RRM2: variants seen among roughly 807,000 people sequenced by gnomAD.
RRM2 encodes the protein ribonucleoside-diphosphate reductase subunit M2.
In RRM2, 6 loss-of-function variants were observed where a neutral mutation model predicts 45.9. The observed-to-expected ratio is 0.13, with a 90% confidence interval of 0.07 to 0.26. The LOEUF is 0.26. Among genes scored for constraint, RRM2 ranks in the 10% least tolerant of loss-of-function variants. RRM2 has a pLI of 1.00. For missense variants in RRM2, 343 were observed against 489.5 expected (o/e 0.70, Z 2.82); for synonymous variants, 177 against 173.0 (o/e 1.02, Z -0.18).
intron 3 of RRM2, among the ~76,000 whole-genome samples, chr2:10,170,268 G>A (rs925228842): frequency 6.6e-6 from 1 of 152,172 alleles, no homozygotes; most frequent in Non-Finnish European, 1.5e-5. Flanking sequence ...GGCTGAGCAG[G>A]TGGCTGGAGA....
At chr2:10,136,379 C>A (rs1662990324), downstream of RRM2, among the ~76,000 whole-genome samples, 1 of 152,176 alleles carries the variant, frequency 6.6e-6, no homozygotes, top group Non-Finnish European at 1.5e-5. Context: ...GTGCAGGGTG[C>A]TGTCCTTCCA....
intron 3 of RRM2, among the ~76,000 whole-genome samples, chr2:10,200,635 G>T (rs1213118818): frequency 1.0e-5 from 1 of 97,062 alleles, no homozygotes; most frequent in African/African-American, 3.7e-5. Flanking sequence ...AAAATATGAG[G>T]CCCACAGGCA....
intron 3 of RRM2, among the ~76,000 whole-genome samples, chr2:10,162,578 C>T (rs1274474555): frequency 6.6e-6 from 1 of 152,198 alleles, no homozygotes; most frequent in African/African-American, 2.4e-5. Flanking sequence ...CATCTTCCTT[C>T]ATGAGGTCAA....
rs542939099 is a variant in RRM2, at chr2:10,148,297, G to C, written n.482+5922G>C. On this transcript the variant is annotated intron_variant and non_coding_transcript_variant, in intron 3 of 3. Transcript: ENST00000381786. ...TAATCCTCACTCACATTGCCCTACAGGTAGATTCATTGCTCACTGTCAGTT... is the reference window on the plus strand; with the variant it reads ...TAATCCTCACTCACATTGCCCTACACGTAGATTCATTGCTCACTGTCAGTT... Among the ~76,000 whole-genome samples the C allele has an allele frequency of 3.4e-3, 522 of 151,666 alleles. 1 individual carries two copies. Among genetic ancestry groups the C allele is most frequent in the Non-Finnish European group, 5.1e-3 (350 of 67,984 alleles).
upstream of RRM2, among the ~76,000 whole-genome samples, chr2:10,137,147 G>A (rs756287031): frequency 3.9e-5 from 6 of 152,234 alleles, no homozygotes; most frequent in East Asian, 1.2e-3. Flanking sequence ...CCACCGTGGG[G>A]CAGAGATGAT....
chr2:10,196,440 T>G (rs1035728775), intron 3 of RRM2, among the ~76,000 whole-genome samples: 2 of 152,152 alleles, frequency 1.3e-5, no homozygotes, highest in African/African-American at 2.4e-5. Context: ...TGTGGCTGTT[T>G]CTGTGGTGAC....
At chr2:10,143,109 G>A (rs1242521228) in intron 3 of RRM2, among the ~76,000 whole-genome samples, 5 of 152,142 alleles carry the variant, frequency 3.3e-5, no homozygotes, top group Non-Finnish European at 5.9e-5. Flanking sequence ...TCCTGACCTC[G>A]TGATCTGCCT....
At chr2:10,175,146 C>T (rs1312688550) in intron 3 of RRM2, among the ~76,000 whole-genome samples, 1 of 152,230 alleles carries the variant, frequency 6.6e-6, no homozygotes, top group Non-Finnish European at 1.5e-5. Flanking sequence ...AAGTTTTAGA[C>T]ATGTGCATAC....
chr2:10,168,411 G>T (rs946977893), intron 3 of RRM2, among the ~76,000 whole-genome samples: 6 of 152,116 alleles, frequency 3.9e-5, no homozygotes, highest in African/African-American at 1.2e-4. Flanking sequence ...AGGAATTTAT[G>T]GCAGTTTCGC....
At chr2:10,123,108 G>C (rs1372759206) in intron 2 of RRM2, 51 bp downstream of exon 2, 1 of 1,506,480 alleles carries the variant, frequency 6.6e-7, no homozygotes, top group African/African-American at 1.4e-5. Flanking sequence ...TGGGCGTCTT[G>C]GCGCCAAAGC....
chr2:10,168,345 G>T (rs1663724958), intron 3 of RRM2, among the ~76,000 whole-genome samples: 1 of 152,004 alleles, frequency 6.6e-6, no homozygotes, highest in Admixed American at 6.6e-5. Flanking sequence ...TTTAATAGCG[G>T]GTTCGAGAGA....
At chr2:10,184,529 C>T (rs1194041368) in intron 3 of RRM2, among the ~76,000 whole-genome samples, 1 of 152,248 alleles carries the variant, frequency 6.6e-6, no homozygotes, top group Non-Finnish European at 1.5e-5. Context: ...CAAACCGTCC[C>T]TTCCAGAAGA....
chr2:10,138,752 A>C (rs917577034), upstream of RRM2, among the ~76,000 whole-genome samples: 3 of 152,232 alleles, frequency 2.0e-5, no homozygotes, highest in African/African-American at 7.2e-5. Flanking sequence ...GTGAGAATTT[A>C]GATGAGTGAA....
chr2:10,143,329 C>A (rs559146268), intron 3 of RRM2, among the ~76,000 whole-genome samples: 2 of 152,330 alleles, frequency 1.3e-5, no homozygotes, highest in South Asian at 4.1e-4. Flanking sequence ...CCCAGTGAGG[C>A]CAGATTAGGG....
chr2:10,126,848 A>G lies in RRM2; in HGVS notation c.570-27A>G, dbSNP rs781500095. 3.8e-6 allele frequency: 6 copies of G among 1,576,838 alleles called. No homozygotes were observed. In the South Asian group the frequency reaches 6.8e-5, roughly 18 times the overall value. The stretch of plus-strand genomic sequence containing the variant: ...GGAGGTCTTTTACTGTAATGCTTCA[A>G]TTGCTGATACCGTATGTGCCTACTA... On this transcript the variant is annotated intron_variant, in intron 5 of 9. Coordinates refer to ENST00000304567, the MANE Select transcript of RRM2 (RefSeq NM_001034.4).
At chr2:10,196,673 G>A (rs764129271) in intron 3 of RRM2, among the ~76,000 whole-genome samples, 33 of 152,248 alleles carry the variant, frequency 2.2e-4, no homozygotes, top group Admixed American at 2.0e-4. Flanking sequence ...GCAGCCATCC[G>A]GAGGAGGGAG....
chr2:10,141,926 A>G lies in RRM2; in HGVS notation n.333A>G, dbSNP rs747136084. ...GGGAGACAGCACGCCAGTGAGGGAG[A>G]TGGAGACCAATCACCCACCCAGTGT... On this transcript the variant is annotated non_coding_transcript_exon_variant, in exon 2 of 4. Coordinates refer to the RRM2 transcript ENST00000381786. The G allele has an allele frequency of 3.8e-6, 6 of 1,578,000 alleles. No homozygotes were observed. In the South Asian group the frequency reaches 5.8e-5, roughly 15 times the overall value.
chr2:10,186,588 C>T (rs1346864898), intron 3 of RRM2, among the ~76,000 whole-genome samples: 1 of 152,186 alleles, frequency 6.6e-6, no homozygotes, highest in Non-Finnish European at 1.5e-5. Flanking sequence ...GACCAGCCTG[C>T]CTGGGGTCAA....
chr2:10,210,542 C>T, exon 4 of RRM2: 1 of 1,366,996 alleles, frequency 7.3e-7, no homozygotes. Context: ...CTGGACTCCA[C>T]ACAGGCCTGC....
Sources: allele counts gnomAD v4.1 joint callset (sites outside exome capture counted in the v4.1 genomes callset), GRCh38; gene constraint gnomAD v4.1.1; transcripts MANE v1.5; gene names NCBI Gene and HGNC (gene_info 2026-07-23, HGNC 2026-07-21).